The following NOMO1 variants were observed in gnomAD, a reference collection of about 807,000 sequenced individuals.
NOMO1 encodes NODAL modulator 1.
In NOMO1, 40 loss-of-function variants were observed where a neutral mutation model predicts 133.8. The observed-to-expected ratio is 0.30, with a 90% CI of 0.23 to 0.39. The LOEUF is 0.39. NOMO1 is among the 10% of genes least tolerant of loss of function. The pLI, the probability that NOMO1 is intolerant of heterozygous loss-of-function variation, is 1.00. For synonymous variants in NOMO1, 236 were observed against 570.5 expected, an observed-to-expected ratio of 0.41 and a Z score of 8.36; for missense variants, 462 against 1,419.9, an observed-to-expected ratio of 0.33 and a Z score of 10.84.
rs201198809 is a variant in NOMO1 at position 14,884,759 on chromosome 16, C to T, written c.3222+277C>T. 1.1e-4 allele frequency among the ~76,000 whole-genome samples: 17 copies of T among 152,092 alleles called. No individual in the cohort carries two copies. In the East Asian group the frequency reaches 3.3e-3, roughly 29 times the overall value. On this transcript the variant is annotated intron_variant, in intron 27 of 30. Coordinates refer to ENST00000287667, the MANE Select transcript of NOMO1 (RefSeq NM_014287.4). The stretch of plus-strand genomic sequence containing the variant: ...TCTTCCAAAGAATTATAGTAGAAGC[C>T]TGATCAATGATCAATACAATATGGA...
At position 14,871,055 on chromosome 16, in the gene NOMO1, T is replaced by C. The variant is rs564131399; in HGVS notation, c.1895-566T>C. 4.8e-4 allele frequency among the ~76,000 whole-genome samples: 72 copies of C among 149,742 alleles called. 3 individuals are homozygous for C. Among genetic ancestry groups the C allele is most frequent in the African/African-American group, 1.7e-3 (70 of 40,636 alleles). On this transcript the variant is annotated intron_variant, in intron 16 of 30. Transcript: ENST00000287667. ...GTGTGGCCAAAATATTGGTTAATGA[T>C]GATTTGGGGGAAATACATTGTTATT...
chr16:14,874,435 A>G (rs1964124537), intron 18 of NOMO1, among the ~76,000 whole-genome samples: 1 of 152,034 alleles, frequency 6.6e-6, no homozygotes, highest in Admixed American at 6.5e-5. Flanking sequence ...TTACCCAGAG[A>G]GCTGCGTGGC....
intron 3 of NOMO1, among the ~76,000 whole-genome samples, chr16:14,842,466 A>C (rs1201823340): frequency 3.3e-5 from 5 of 150,190 alleles, no homozygotes; most frequent in Non-Finnish European, 7.4e-5. Context: ...TGGCCAAAGC[A>C]GAAGTCCAGA....
At chr16:14,887,802 T>G (rs1409683538) in intron 28 of NOMO1, among the ~76,000 whole-genome samples, 12 of 152,066 alleles carry the variant, frequency 7.9e-5, no homozygotes, top group Non-Finnish European at 1.8e-4. Flanking sequence ...GCTATTGAGT[T>G]TAAGGAAATA....
chr16:14,891,928 A>G (rs1186548199), intron 29 of NOMO1, among the ~76,000 whole-genome samples: 2 of 152,096 alleles, frequency 1.3e-5, no homozygotes, highest in Non-Finnish European at 2.9e-5. Flanking sequence ...TGTTACTCAC[A>G]GTAGAGACCT....
At chr16:14,836,448 A>G (rs2606874) in intron 1 of NOMO1, among the ~76,000 whole-genome samples, 31 of 152,162 alleles carry the variant, frequency 2.0e-4, no homozygotes, top group African/African-American at 5.3e-4. Context: ...GTTTCATTGC[A>G]GCTCGTGTCA....
chr16:14,847,232 CAA>C (rs1000533886), intron 5 of NOMO1, among the ~76,000 whole-genome samples: 1 of 87,338 alleles, frequency 1.1e-5, no homozygotes, highest in Admixed American at 1.3e-4. Context: ...CTGTCTGAAA[CAA>C]ACAAAAAAAG....
intron 6 of NOMO1, among the ~76,000 whole-genome samples, chr16:14,851,374 T>G (rs1963757065): frequency 6.6e-6 from 1 of 151,864 alleles, no homozygotes; most frequent in Non-Finnish European, 1.5e-5. Flanking sequence ...GTGCTTAGAA[T>G]CTGTACACTT....
At chr16:14,892,996 C>T (rs1404421869) in intron 29 of NOMO1, among the ~76,000 whole-genome samples, 2 of 143,640 alleles carry the variant, frequency 1.4e-5, no homozygotes, top group African/African-American at 5.1e-5. Flanking sequence ...GTATTCCATG[C>T]CCTGCTGAGC....
chr16:14,889,384 T>G (rs1964374304), intron 29 of NOMO1, among the ~76,000 whole-genome samples, 169 bp downstream of exon 29: 2 of 151,864 alleles, frequency 1.3e-5, no homozygotes, highest in Admixed American at 1.3e-4. Context: ...ATACAAAAAT[T>G]AACCGGGCGT....
rs375184018 is a variant in NOMO1 at position 14,889,230 on chromosome 16, G to C, written c.3444+15G>C. The C allele has an allele frequency of 1.3e-5, 21 of 1,611,306 alleles. No individual in the cohort carries two copies. Among genetic ancestry groups the C allele is most frequent in the Non-Finnish European group, 1.5e-5 (18 of 1,179,744 alleles). ...TTAATCCCACGGTAAGTAAAAGAGG[G>C]AGTTAAAAAAAAACCCATGGGCTGG... On this transcript the variant is annotated intron_variant, in intron 29 of 30. Transcript: ENST00000287667.
chr16:14,866,459 T>A (rs1449930288), intron 14 of NOMO1, 96 bp from the exon 15 acceptor site: 38 of 1,607,284 alleles, frequency 2.4e-5, no homozygotes, highest in Middle Eastern at 2.3e-4. Context: ...ACCTGCTTTT[T>A]AAAATTGATT....
chr16:14,853,586 A>G lies in NOMO1; in HGVS notation c.855A>G (p.Pro285=). The G allele has an allele frequency of 6.2e-7, 1 of 1,611,066 alleles. No individual in the cohort carries two copies. The change falls in exon 8 of 31, where the codon CCA becomes CCG. Residue 285 remains proline (P), a synonymous_variant. Transcript: ENST00000287667. Reference sequence around the variant, plus strand: ...GCTCGTTCTCTTTCTATTCCTTGCCAAGTGGGGGCTACACTGTGGTGAGTA... The same window carrying G: ...GCTCGTTCTCTTTCTATTCCTTGCCGAGTGGGGGCTACACTGTGGTGAGTA... ...EDGSFSFYSL[P]SGGYTVIPFY...
intron 1 of NOMO1, among the ~76,000 whole-genome samples, chr16:14,836,710 T>C (rs1963517648): frequency 6.8e-6 from 1 of 147,656 alleles, no homozygotes; most frequent in Non-Finnish European, 1.5e-5. Context: ...TTTTTTTTTT[T>C]TTTTTTGAGA....
At chr16:14,855,882 A>G (rs1963826176) in intron 9 of NOMO1, among the ~76,000 whole-genome samples, 1 of 152,110 alleles carries the variant, frequency 6.6e-6, no homozygotes, top group Admixed American at 6.6e-5. Flanking sequence ...ATGTGAATTA[A>G]TAAGTAGGTA....
chr16:14,877,449 A>G (rs1188435138), intron 22 of NOMO1, among the ~76,000 whole-genome samples: 2 of 149,028 alleles, frequency 1.3e-5, no homozygotes, highest in South Asian at 2.2e-4. Flanking sequence ...TCGCATAAAA[A>G]TTTAAAATTC....
At chr16:14,858,590 C>T (rs1422082682) in intron 11 of NOMO1, among the ~76,000 whole-genome samples, 2 of 151,820 alleles carry the variant, frequency 1.3e-5, no homozygotes, top group Non-Finnish European at 2.9e-5. Context: ...GAGGTGGCTG[C>T]GGGTGTAAAG....
chr16:14,845,324 T>G (rs1213876343), intron 4 of NOMO1, among the ~76,000 whole-genome samples: 10 of 151,946 alleles, frequency 6.6e-5, no homozygotes, highest in Non-Finnish European at 1.5e-4. Context: ...AGGTGTACGC[T>G]GTGCACCCAG....
intron 11 of NOMO1, among the ~76,000 whole-genome samples, chr16:14,859,148 A>T (rs1413901598): frequency 6.6e-6 from 1 of 151,834 alleles, no homozygotes; most frequent in Non-Finnish European, 1.5e-5. Context: ...CCCAGGGGGG[A>T]CCTAGGGAGC....
Sources: allele counts gnomAD v4.1 joint callset (sites outside exome capture counted in the v4.1 genomes callset), GRCh38; gene constraint gnomAD v4.1.1; transcripts MANE v1.5; gene names NCBI Gene and HGNC (gene_info 2026-07-23, HGNC 2026-07-21).